Variants in TMEM87A observed in about 807,000 individuals in gnomAD.
The protein encoded by TMEM87A is Golgi-pH regulating cation channel.
In TMEM87A, 50 loss-of-function variants were observed where a neutral mutation model predicts 90.0. That is an observed-to-expected ratio of 0.56 (90% CI 0.44 to 0.70). The LOEUF (loss-of-function observed/expected upper bound fraction) is 0.70, where lower values mean the gene tolerates loss of function less well. TMEM87A is among the 30% of genes least tolerant of loss of function. TMEM87A has a pLI of 0.00. For missense variants in TMEM87A, 577 were observed against 660.5 expected, an observed-to-expected ratio of 0.87 and a Z score of 1.39; for synonymous variants, 226 against 226.7, an observed-to-expected ratio of 1.00 and a Z score of 0.03.
chr15:42,244,029 T>TAAAAA, intron 7 of TMEM87A, 21 bp downstream of exon 7: 1 of 1,252,186 alleles, frequency 8.0e-7, no homozygotes, highest in Non-Finnish European at 1.1e-6. Flanking sequence ...ACATAACCAT[T>TAAAAA]AAAAAAAAAA....
rs1266792066 is a variant in TMEM87A, at chr15:42,211,747, T to C, written c.1629A>G (p.Glu543=). Residue 543 remains glutamate, a splice_region_variant and synonymous_variant, in exon 20 of 20, where the codon GAA becomes GAG. Transcript: ENST00000389834. The stretch of plus-strand genomic sequence containing the variant: ...ACCTTTCAAAGTGTGTGATCATTCG[T>C]TCCTAGGGAAAAAAAAAAAGGTTGA... ...ALPALLDSDE[E]RMITHFERSK... 1.2e-6 allele frequency: 2 copies of C among 1,611,894 alleles called. No individual in the cohort carries two copies. Among genetic ancestry groups the C allele is most frequent in the African/African-American group, 1.3e-5 (1 of 74,568 alleles).
rs1435735069 is a variant in TMEM87A at position 42,264,297 on chromosome 15, A to G, written c.292-94T>C. The G allele has an allele frequency of 7.7e-6, 6 of 777,908 alleles. No homozygotes were observed. The Admixed American group carries it at 1.3e-4, about 16-fold the overall frequency. The allele number at this position is 777,908 out of a possible 1,614,324, so 48.2% of individuals were successfully genotyped here. The stretch of plus-strand genomic sequence containing the variant: ...AACAAACAGTTCACCTGCAGTACAG[A>G]TACAATTTTGAGTTTGCTATTTTAA... On this transcript the variant is annotated intron_variant, in intron 3 of 19. Coordinates refer to ENST00000389834, the MANE Select transcript of TMEM87A (RefSeq NM_015497.5).
At chr15:42,226,260 A>C (rs1368259718) in intron 15 of TMEM87A, among the ~76,000 whole-genome samples, 1 of 151,444 alleles carries the variant, frequency 6.6e-6, no homozygotes, top group African/African-American at 2.4e-5. Flanking sequence ...TTGGCCTCCC[A>C]AAGTGCTGGA....
At chr15:42,254,323 CT>C (rs2051138159) in intron 6 of TMEM87A, among the ~76,000 whole-genome samples, 1 of 152,224 alleles carries the variant, frequency 6.6e-6, no homozygotes, top group Non-Finnish European at 1.5e-5. Context: ...TAAACATACT[CT>C]TACCATACAA....
intron 3 of TMEM87A, among the ~76,000 whole-genome samples, chr15:42,266,163 C>T (rs112211304): frequency 0.065 from 9,883 of 152,212 alleles, 409 homozygotes; most frequent in South Asian, 0.16. Context: ...ATATTTTCAA[C>T]GCTCAAGTAT....
intron 12 of TMEM87A, among the ~76,000 whole-genome samples, chr15:42,229,147 C>G (rs1411047855): frequency 6.6e-6 from 1 of 151,924 alleles, no homozygotes; most frequent in Admixed American, 6.6e-5. Context: ...GGACTACAGG[C>G]ATGTGCCACC....
chr15:42,217,504 A>G (rs2050402657), intron 19 of TMEM87A, among the ~76,000 whole-genome samples: 1 of 152,212 alleles, frequency 6.6e-6, no homozygotes, highest in South Asian at 2.1e-4. Flanking sequence ...CATTTCTTAC[A>G]GACAAAAGAA....
intron 6 of TMEM87A, among the ~76,000 whole-genome samples, chr15:42,254,464 T>C (rs1163400221): frequency 6.6e-6 from 1 of 152,234 alleles, no homozygotes; most frequent in Non-Finnish European, 1.5e-5. Context: ...CAAGATGTCC[T>C]TCAATAGATG....
intron 19 of TMEM87A, 82 bp downstream of exon 19, chr15:42,217,721 G>C: frequency 7.2e-7 from 1 of 1,391,642 alleles, no homozygotes. Flanking sequence ...GTCAAATAAA[G>C]AGAATCTCCA....
At chr15:42,225,992 C>T (rs1362428300) in intron 15 of TMEM87A, among the ~76,000 whole-genome samples, 1 of 152,100 alleles carries the variant, frequency 6.6e-6, no homozygotes, top group Non-Finnish European at 1.5e-5. Context: ...CAGTAATGTG[C>T]TCACTTTGTG....
chr15:42,231,783 A>G (rs892999416), intron 11 of TMEM87A: 2 of 853,712 alleles, frequency 2.3e-6, no homozygotes, highest in African/African-American at 1.8e-5. Flanking sequence ...AGGAGTTTAT[A>G]TAGAGTATGT....
At chr15:42,268,695 T>C (rs1467304821) in intron 2 of TMEM87A, among the ~76,000 whole-genome samples, 1 of 151,724 alleles carries the variant, frequency 6.6e-6, no homozygotes, top group Non-Finnish European at 1.5e-5. Context: ...AATAAATAAA[T>C]AAATAGCACA....
intron 2 of TMEM87A, among the ~76,000 whole-genome samples, chr15:42,268,922 GAT>G (rs2051458338): frequency 6.6e-6 from 1 of 152,102 alleles, no homozygotes; most frequent in Non-Finnish European, 1.5e-5. Flanking sequence ...GACCTTGAAA[GAT>G]ATCAAGATAG....
At chr15:42,264,023 C>T (rs2140984009) in intron 4 of TMEM87A, 67 bp downstream of exon 4, 1 of 1,288,220 alleles carries the variant, frequency 7.8e-7, no homozygotes, top group Admixed American at 1.9e-5. Context: ...GAAGTGGATA[C>T]AGCCAAAAAT....
chr15:42,269,651 A>G lies in TMEM87A; in HGVS notation c.206-1619T>C, dbSNP rs576864551. ...TTTAAATGAAAGGCTTTAAGAGACA[A>G]TAAGGTCGGGCGCGGTGGCTCACGC... On this transcript the variant is annotated intron_variant, in intron 2 of 19. Transcript: ENST00000389834. 1.3e-4 allele frequency among the ~76,000 whole-genome samples: 20 copies of G among 152,348 alleles called. No individual in the cohort carries two copies. The East Asian group carries it at 3.7e-3, about 28-fold the overall frequency.
chr15:42,245,828 G>A (rs1033564821), intron 6 of TMEM87A, among the ~76,000 whole-genome samples: 1 of 151,972 alleles, frequency 6.6e-6, no homozygotes, highest in Admixed American at 6.6e-5. Flanking sequence ...ACCACGCCCC[G>A]GCCCATTTAC....
intron 10 of TMEM87A, among the ~76,000 whole-genome samples, chr15:42,235,076 T>C (rs2050747535): frequency 6.6e-6 from 1 of 152,214 alleles, no homozygotes; most frequent in Non-Finnish European, 1.5e-5. Flanking sequence ...TCTCGTTCTG[T>C]TACCCAGGCT....
chr15:42,229,924 C>G (rs1272973481), intron 12 of TMEM87A, among the ~76,000 whole-genome samples: 1 of 152,214 alleles, frequency 6.6e-6, no homozygotes, highest in Non-Finnish European at 1.5e-5. Flanking sequence ...TTCCAGGGCT[C>G]AAGCAATTCT....
At chr15:42,232,272 A>T (rs1449313880) in intron 11 of TMEM87A, among the ~76,000 whole-genome samples, 3 of 152,036 alleles carry the variant, frequency 2.0e-5, no homozygotes, top group African/African-American at 7.3e-5. Context: ...CTGTTGCTGG[A>T]GTGTAATGGC....
Sources: allele counts gnomAD v4.1 joint callset (sites outside exome capture counted in the v4.1 genomes callset), GRCh38; gene constraint gnomAD v4.1.1; transcripts MANE v1.5; gene names NCBI Gene and HGNC (gene_info 2026-07-23, HGNC 2026-07-21).